PKNOX2: variants seen among roughly 807,000 people sequenced by gnomAD.
PKNOX2 encodes PBX/knotted 1 homeobox 2, also known as homeobox protein PKNOX2.
PKNOX2 carries 14 observed loss-of-function variants against 53.1 expected under a neutral mutation model. The ratio of observed to expected loss-of-function variants is 0.26; its 90% CI spans 0.17 to 0.41. The LOEUF (loss-of-function observed/expected upper bound fraction) is 0.41, where lower values mean the gene tolerates loss of function less well. Ranked by LOEUF, PKNOX2 falls within the 10% of genes least tolerant of loss-of-function variation. PKNOX2 has a pLI of 1.00. For synonymous variants in PKNOX2, 257 were observed against 242.8 expected (o/e 1.06, Z -0.54); for missense variants, 496 against 602.8 (o/e 0.82, Z 1.85).
intron 1 of PKNOX2, among the ~76,000 whole-genome samples, chr11:125,203,970 CTG>C (rs1231397625): frequency 2.0e-5 from 3 of 152,226 alleles, no homozygotes; most frequent in Non-Finnish European, 4.4e-5. Flanking sequence ...GTACAAGCCT[CTG>C]TGTCCCTCTG....
At position 125,370,076 on chromosome 11, in the gene PKNOX2, T is replaced by C. The variant is rs1480993670; in HGVS notation, c.227+2091T>C. On this transcript the variant is annotated intron_variant, in intron 5 of 12. Transcript: ENST00000298282. The surrounding 1 kb of genome is among the most constrained non-coding windows in gnomAD (Gnocchi z 4.1). ...CTGGGTCAGGGGCCTGTAGTGAGCA[T>C]AGATCATGGTCTAGAAAGCCCTCCA... 1.3e-5 allele frequency among the ~76,000 whole-genome samples: 2 copies of C among 152,108 alleles called. No homozygotes were observed. Among genetic ancestry groups the C allele is most frequent in the Non-Finnish European group, 2.9e-5 (2 of 68,016 alleles).
At chr11:125,225,873 T>C (rs1346184647) in intron 1 of PKNOX2, among the ~76,000 whole-genome samples, 3 of 152,202 alleles carry the variant, frequency 2.0e-5, no homozygotes. Flanking sequence ...GTATTTCTTT[T>C]TTTCTCTGAG....
intron 1 of PKNOX2, among the ~76,000 whole-genome samples, chr11:125,195,726 A>G (rs966582913): frequency 6.6e-6 from 1 of 151,970 alleles, no homozygotes; most frequent in Admixed American, 6.6e-5. Context: ...TGCCAGGGAA[A>G]TGGCCAGTGG....
intron 4 of PKNOX2, among the ~76,000 whole-genome samples, chr11:125,359,296 C>G (rs144001636): frequency 4.6e-5 from 7 of 152,126 alleles, no homozygotes; most frequent in African/African-American, 1.7e-4. Flanking sequence ...TGACTGTTAG[C>G]GAAGGGTCCC....
In PKNOX2 at chr11:125,240,318, G is replaced by A. The variant is rs1275862552; in HGVS notation, c.-130+5203G>A. On this transcript the variant is annotated intron_variant, in intron 2 of 12. Transcript: ENST00000298282. This position sits in a 1 kb window ranked among gnomAD's most constrained non-coding sequence, Gnocchi z 4.3. ...GTTTAATCATACCCCCTGTCCAGAA[G>A]AGTATTGTCTTACGGATAATTTCGT... The A allele has an allele frequency of 6.6e-6, 1 of 152,234 alleles. No individual in the cohort carries two copies. The allele number at this position is 152,234 out of a possible 1,614,324, so 9.4% of individuals were successfully genotyped here.
chr11:125,315,422 G>C (rs548692615), intron 2 of PKNOX2, among the ~76,000 whole-genome samples: 30 of 152,030 alleles, frequency 2.0e-4, no homozygotes, highest in Non-Finnish European at 2.1e-4. Flanking sequence ...CAGCCCATGG[G>C]GTCTGCTACC....
At chr11:125,375,962 T>TG (rs1952811232) in intron 5 of PKNOX2, among the ~76,000 whole-genome samples, 3 of 152,264 alleles carry the variant, frequency 2.0e-5, no homozygotes, top group Non-Finnish European at 2.9e-5. Flanking sequence ...CTCGCCTTGT[T>TG]CTGAAGGGGC....
In PKNOX2 at chr11:125,417,591, G is replaced by A. The variant is rs559837643; in HGVS notation, c.936+5726G>A. Among the ~76,000 whole-genome samples the A allele has an allele frequency of 1.4e-4, 22 of 152,090 alleles. 1 individual carries two copies. Among genetic ancestry groups the A allele is most frequent in the Non-Finnish European group, 2.1e-4 (14 of 68,022 alleles). On this transcript the variant is annotated intron_variant, in intron 10 of 12. Coordinates refer to ENST00000298282, the MANE Select transcript of PKNOX2 (RefSeq NM_001382323.2). ...GACAGGTGGCACAGGATTTGAACCCGGACCTATGCAACGGGAGGCTCTAAT... is the reference window on the plus strand; with the variant it reads ...GACAGGTGGCACAGGATTTGAACCCAGACCTATGCAACGGGAGGCTCTAAT...
Position 125,431,434 on chromosome 11 carries a change from G to GC in PKNOX2, c.*42_*43insC, listed in dbSNP as rs1465174243. 4 of 1,436,646 alleles carry GC rather than the reference G, an allele frequency of 2.8e-6. No homozygotes were observed. Among genetic ancestry groups the GC allele is most frequent in the South Asian group, 2.6e-5 (2 of 75,742 alleles). The allele number at this position is 1,436,646 out of a possible 1,614,324, so 89.0% of individuals were successfully genotyped here. On this transcript the variant is annotated 3_prime_UTR_variant, in exon 13 of 13. Coordinates refer to ENST00000298282, the MANE Select transcript of PKNOX2 (RefSeq NM_001382323.2). ...GCACTGATCACTGAGCAGGAGAGGA[G>GC]TGTCGCCGGGAGGCCTTCAGGGTGG... is the stretch of plus-strand genomic sequence containing the variant.
intron 5 of PKNOX2, among the ~76,000 whole-genome samples, chr11:125,385,033 C>T (rs769472220): frequency 5.3e-5 from 8 of 152,178 alleles, no homozygotes; most frequent in South Asian, 2.1e-4. Flanking sequence ...CTGCCCACCA[C>T]GTGTGGATGA....
intron 2 of PKNOX2, among the ~76,000 whole-genome samples, chr11:125,248,611 A>G (rs1485679721): frequency 6.7e-6 from 1 of 149,498 alleles, no homozygotes; most frequent in African/African-American, 2.5e-5. Flanking sequence ...TGTATTATAT[A>G]TAAGATATAT....
At chr11:125,245,109 C>A (rs778758451) in intron 2 of PKNOX2, among the ~76,000 whole-genome samples, 8 of 152,296 alleles carry the variant, frequency 5.3e-5, no homozygotes, top group Middle Eastern at 3.4e-3. Context: ...CTGGGGGAGA[C>A]CTTCCATGCT....
chr11:125,176,437 G>T (rs1955707999), intron 1 of PKNOX2, among the ~76,000 whole-genome samples: 1 of 152,208 alleles, frequency 6.6e-6, no homozygotes, highest in African/African-American at 2.4e-5. Flanking sequence ...AGAGGAAGAC[G>T]TTCAAGTTCC....
At chr11:125,238,103 G>A (rs562698210) in intron 2 of PKNOX2, among the ~76,000 whole-genome samples, 16 of 152,084 alleles carry the variant, frequency 1.1e-4, no homozygotes, top group South Asian at 6.2e-4. Context: ...TTTCTGACCC[G>A]GATGCAGCTA....
intron 1 of PKNOX2, among the ~76,000 whole-genome samples, chr11:125,207,265 T>G (rs1191088427): frequency 6.6e-6 from 1 of 152,236 alleles, no homozygotes; most frequent in East Asian, 1.9e-4. Flanking sequence ...TTTCCTTTTT[T>G]CTTTTTCTGT....
chr11:125,243,088 T>C (rs1048977521), intron 2 of PKNOX2, among the ~76,000 whole-genome samples: 2 of 152,248 alleles, frequency 1.3e-5, no homozygotes, highest in African/African-American at 4.8e-5. Flanking sequence ...GAAAGTGTTT[T>C]ATAAACTATA....
intron 5 of PKNOX2, among the ~76,000 whole-genome samples, chr11:125,371,734 C>T (rs558822433): frequency 6.6e-6 from 1 of 152,062 alleles, no homozygotes; most frequent in Admixed American, 6.5e-5. Context: ...CTCCGAGAAC[C>T]AGGGACGCGG....
intron 2 of PKNOX2, among the ~76,000 whole-genome samples, chr11:125,255,610 C>A (rs559396692): frequency 1.3e-5 from 2 of 152,022 alleles, no homozygotes; most frequent in South Asian, 2.1e-4. Context: ...ATTGGACAAT[C>A]AACTATAAAT....
At chr11:125,303,329 T>G (rs1294181279) in intron 2 of PKNOX2, among the ~76,000 whole-genome samples, 1 of 151,936 alleles carries the variant, frequency 6.6e-6, no homozygotes, top group African/African-American at 2.4e-5. Context: ...CAAACGGGGG[T>G]ACAGGCTGAG....
Sources: gnomAD v4.1 joint callset for allele counts (sites outside exome capture counted in the v4.1 genomes callset) on GRCh38, gnomAD v4.1.1 for gene constraint, Gnocchi (gnomAD v3.1) non-coding constraint, MANE v1.5 for transcripts, NCBI Gene and HGNC (gene_info 2026-07-23, HGNC 2026-07-21) for gene names.